AKAP6: variants seen among roughly 807,000 people sequenced by gnomAD.
The protein encoded by AKAP6 is A-kinase anchoring protein 6, also known as A-kinase anchor protein 6.
Under a neutral mutation model 188.5 loss-of-function variants are expected in AKAP6, and 58 were observed. The observed-to-expected ratio is 0.31, with a 90% CI of 0.25 to 0.38. The LOEUF (loss-of-function observed/expected upper bound fraction) is 0.38. AKAP6 is among the 10% of genes least tolerant of loss of function. The pLI, the probability that AKAP6 is intolerant of heterozygous loss-of-function variation, is 1.00. For missense variants in AKAP6, 2,710 were observed against 2,740.0 expected (o/e 0.99, Z 0.24); for synonymous variants, 989 against 998.6 (o/e 0.99, Z 0.18).
intron 1 of AKAP6, among the ~76,000 whole-genome samples, chr14:32,380,107 A>G (rs1888301591): frequency 6.6e-6 from 1 of 152,232 alleles, no homozygotes; most frequent in South Asian, 2.1e-4. Flanking sequence ...TCTGCTGAGC[A>G]TCTAAAGACT....
intron 12 of AKAP6, among the ~76,000 whole-genome samples, chr14:32,774,610 A>G (rs1244850467): frequency 6.6e-6 from 1 of 152,182 alleles, no homozygotes; most frequent in Non-Finnish European, 1.5e-5. Flanking sequence ...TACGATGCAT[A>G]TTTGTCCAGA....
chr14:32,829,500 T>C (rs2034769284), intron 13 of AKAP6, among the ~76,000 whole-genome samples: 1 of 146,690 alleles, frequency 6.8e-6, no homozygotes, highest in Admixed American at 6.9e-5. Context: ...CATTTTCATA[T>C]TGGTTTGAAG....
intron 7 of AKAP6, among the ~76,000 whole-genome samples, chr14:32,650,952 T>C (rs1163092258): frequency 6.6e-6 from 1 of 152,192 alleles, no homozygotes; most frequent in African/African-American, 2.4e-5. Flanking sequence ...TAAAGTTTGC[T>C]TCTTTTAAGC....
intron 8 of AKAP6, among the ~76,000 whole-genome samples, chr14:32,695,709 T>G (rs757714349): frequency 5.9e-4 from 90 of 152,270 alleles, no homozygotes; most frequent in Non-Finnish European, 1.2e-3. Context: ...TTTGTTCAAG[T>G]GCTGCAAATC....
intron 9 of AKAP6, among the ~76,000 whole-genome samples, chr14:32,728,385 T>A (rs1371266430): frequency 6.6e-6 from 1 of 151,686 alleles, no homozygotes; most frequent in East Asian, 1.9e-4. Flanking sequence ...TATCTATCTA[T>A]CTATCTATCA....
At chr14:32,820,333 G>A (rs1231046561) in intron 12 of AKAP6, among the ~76,000 whole-genome samples, 3 of 152,064 alleles carry the variant, frequency 2.0e-5, no homozygotes, top group Admixed American at 6.6e-5. Context: ...CAGACAGCTG[G>A]AGAGCAAGTA....
intron 7 of AKAP6, among the ~76,000 whole-genome samples, chr14:32,653,403 G>T (rs1000127751): frequency 2.0e-5 from 3 of 152,104 alleles, no homozygotes; most frequent in African/African-American, 7.2e-5. Flanking sequence ...CTATCTTTCT[G>T]ATAGTGAGTT....
At chr14:32,763,131 A>G (rs1030354133) in intron 11 of AKAP6, among the ~76,000 whole-genome samples, 2 of 152,126 alleles carry the variant, frequency 1.3e-5, no homozygotes, top group African/African-American at 4.8e-5. Context: ...TTGGTGAACC[A>G]ACTCAGGAAG....
At chr14:32,623,097 G>A (rs1187902342) in intron 7 of AKAP6, among the ~76,000 whole-genome samples, 1 of 152,012 alleles carries the variant, frequency 6.6e-6, no homozygotes, top group African/African-American at 2.4e-5. Flanking sequence ...TAAAATACTG[G>A]TCCTATAGAT....
chr14:32,440,534 A>G (rs1821192972), intron 2 of AKAP6, among the ~76,000 whole-genome samples: 1 of 152,118 alleles, frequency 6.6e-6, no homozygotes, highest in African/African-American at 2.4e-5. Context: ...GTAAAAATGT[A>G]TTTTTTTGAA....
chr14:32,467,987 G>A (rs148387028), intron 2 of AKAP6, among the ~76,000 whole-genome samples: 1 of 151,402 alleles, frequency 6.6e-6, no homozygotes, highest in Non-Finnish European at 1.5e-5. Context: ...TCAATTGCTG[G>A]TTACAGCCCT....
chr14:32,414,889 A>C (rs941742), intron 1 of AKAP6, among the ~76,000 whole-genome samples: 96,153 of 152,072 alleles, frequency 0.63, 32,764 homozygotes, highest in Non-Finnish European at 0.76. Context: ...CACTGAATTT[A>C]GCTTGCCTTT....
At chr14:32,609,292 A>T (rs190634474) in intron 7 of AKAP6, among the ~76,000 whole-genome samples, 113 of 152,192 alleles carry the variant, frequency 7.4e-4, no homozygotes, top group African/African-American at 2.6e-3. Context: ...TTCTCTTTGG[A>T]ATTCAGTTGG....
chr14:32,456,046 G>A (rs184675010), intron 2 of AKAP6, among the ~76,000 whole-genome samples: 56 of 151,580 alleles, frequency 3.7e-4, no homozygotes, highest in Admixed American at 9.2e-4. Context: ...GTTTTTTTTC[G>A]GTGGTAGAGG....
chr14:32,366,523 G>T (rs1887840813), intron 1 of AKAP6, among the ~76,000 whole-genome samples: 1 of 152,142 alleles, frequency 6.6e-6, no homozygotes, highest in Non-Finnish European at 1.5e-5. Flanking sequence ...TTCAGTCCAA[G>T]GTCTTTAGAA....
chr14:32,502,553 CAG>C (rs1460180388), intron 2 of AKAP6, among the ~76,000 whole-genome samples: 1 of 152,146 alleles, frequency 6.6e-6, no homozygotes, highest in Non-Finnish European at 1.5e-5. Flanking sequence ...TACTCCAATG[CAG>C]AGAGCTGGCC....
intron 7 of AKAP6, among the ~76,000 whole-genome samples, chr14:32,607,284 C>T (rs757826798): frequency 1.4e-4 from 21 of 152,136 alleles, no homozygotes; most frequent in Non-Finnish European, 2.5e-4. Flanking sequence ...TAAGATCTTC[C>T]GAAACAGTGC....
intron 4 of AKAP6, among the ~76,000 whole-genome samples, chr14:32,566,577 T>C (rs950349542): frequency 5.3e-5 from 8 of 152,146 alleles, no homozygotes; most frequent in Non-Finnish European, 1.0e-4. Flanking sequence ...TTCTGATACA[T>C]AGTAAACTCT....
chr14:32,415,455 T>G (rs1477958962), intron 1 of AKAP6, among the ~76,000 whole-genome samples: 6 of 152,190 alleles, frequency 3.9e-5, no homozygotes, highest in Admixed American at 3.9e-4. Flanking sequence ...CTATCCATAC[T>G]TACATTGCTA....
Sources: allele counts gnomAD v4.1 joint callset (sites outside exome capture counted in the v4.1 genomes callset), GRCh38; gene constraint gnomAD v4.1.1; transcripts MANE v1.5; gene names NCBI Gene and HGNC (gene_info 2026-07-23, HGNC 2026-07-21).